Variants in EYS observed in about 807,000 individuals in gnomAD.
EYS encodes EGF-like photoreceptor maintenance factor, also known as protein eyes shut homolog.
Under a neutral mutation model 282.1 loss-of-function variants are expected in EYS, and 250 were observed. The ratio of observed to expected loss-of-function variants is 0.89; its 90% CI spans 0.80 to 0.98. The LOEUF (loss-of-function observed/expected upper bound fraction) is 0.98, where lower values mean the gene tolerates loss of function less well. EYS is among the 50% of genes least tolerant of loss of function. EYS has a pLI of 0.00. For synonymous variants in EYS, 1,355 were observed against 1,282.9 expected (o/e 1.06, Z -1.20); for missense variants, 4,016 against 3,709.0 (o/e 1.08, Z -2.15).
At chr6:63,790,349 G>A (rs1427164541) in intron 37 of EYS, among the ~76,000 whole-genome samples, 1 of 152,180 alleles carries the variant, frequency 6.6e-6, no homozygotes, top group Non-Finnish European at 1.5e-5. Context: ...GCACTGGAAA[G>A]TGGAAGACAG....
chr6:65,147,320 CATAA>C (rs1764503750), intron 12 of EYS, among the ~76,000 whole-genome samples: 2 of 151,778 alleles, frequency 1.3e-5, no homozygotes, highest in South Asian at 2.1e-4. Context: ...TAAATATTAA[CATAA>C]ATAAAATAAA....
intron 5 of EYS, among the ~76,000 whole-genome samples, chr6:65,430,650 G>C (rs1460056562): frequency 6.6e-6 from 1 of 152,142 alleles, no homozygotes; most frequent in Non-Finnish European, 1.5e-5. Flanking sequence ...GCAGAGGAGA[G>C]AAAAGAGTGG....
Position 64,945,793 on chromosome 6 carries a change from C to T in EYS, c.2381G>A (p.Arg794Gln), listed in dbSNP as rs765364303. The change falls in exon 15 of 43, where the codon CGA becomes CAA. Residue 794 changes from arginine (R) to glutamine (Q), a missense_variant and splice_region_variant. Coordinates refer to ENST00000503581, the MANE Select transcript of EYS (RefSeq NM_001142800.2). Reference sequence around the variant, plus strand: ...AGAAAGCTAAAAATATGTTACTCACCGATAGCTTTTGTAAAGGTCAGTACA... The same window carrying T: ...AGAAAGCTAAAAATATGTTACTCACTGATAGCTTTTGTAAAGGTCAGTACA... The part of the protein sequence containing the change: ...STCTDLYKSY[R>Q]CECTSGWTGQ... 5.0e-5 allele frequency: 78 copies of T among 1,548,584 alleles called. 1 individual carries two copies. The highest frequency in any genetic ancestry group is 3.3e-4 in the Middle Eastern group (2 of 5,994).
At chr6:64,774,740 T>C (rs890257878) in intron 22 of EYS, among the ~76,000 whole-genome samples, 3 of 151,946 alleles carry the variant, frequency 2.0e-5, no homozygotes, top group African/African-American at 7.2e-5. Context: ...TCACCTTGAT[T>C]TGAAACTTCC....
chr6:65,313,125 A>G (rs575579234), intron 11 of EYS, among the ~76,000 whole-genome samples: 39 of 152,244 alleles, frequency 2.6e-4, no homozygotes, highest in Admixed American at 2.5e-3. Flanking sequence ...GCCCTGGCCT[A>G]TTCCCTGGGG....
In EYS at chr6:63,720,278, T is replaced by A; in HGVS notation, c.*318A>T. On this transcript the variant is annotated 3_prime_UTR_variant, in exon 43 of 43. Coordinates refer to ENST00000503581, the MANE Select transcript of EYS (RefSeq NM_001142800.2). ...ACACATTGATTTTTAAAATTGTGTTTACACGTTGATTTTAAAATGTAAGCA... is the reference window on the plus strand; with the variant it reads ...ACACATTGATTTTTAAAATTGTGTTAACACGTTGATTTTAAAATGTAAGCA... The A allele has an allele frequency of 2.8e-6, 1 of 359,456 alleles. No individual in the cohort carries two copies. The highest frequency in any genetic ancestry group is 3.9e-5 in the East Asian group (1 of 25,634). The allele number at this position is 359,456 out of a possible 1,614,324, so 22.3% of individuals were successfully genotyped here.
intron 37 of EYS, among the ~76,000 whole-genome samples, chr6:63,798,494 T>G (rs750248975): frequency 6.6e-6 from 1 of 152,320 alleles, no homozygotes; most frequent in East Asian, 1.9e-4. Context: ...AATATAGGCA[T>G]ACACTGTCAG....
intron 39 of EYS, among the ~76,000 whole-genome samples, chr6:63,781,004 G>A (rs140058703): frequency 1.5e-3 from 224 of 152,282 alleles, no homozygotes; most frequent in African/African-American, 4.8e-3. Context: ...ATTAAGTAGG[G>A]AATCCTTTCC....
chr6:63,739,597 G>C lies in EYS; in HGVS notation c.8072-12917C>G, dbSNP rs115428863. Among the ~76,000 whole-genome samples the C allele has an allele frequency of 4.6e-3, 701 of 152,180 alleles. 2 individuals carry two copies. Among genetic ancestry groups the C allele is most frequent in the Non-Finnish European group, 7.6e-3 (517 of 67,998 alleles). ...AAGTGAGTACCTCCATTTAGAAAGG[G>C]GTGGGGTGCAGATCTGCATTATGTA... On this transcript the variant is annotated intron_variant, in intron 41 of 42. Transcript: ENST00000503581.
At chr6:64,772,417 T>C (rs952311686) in intron 22 of EYS, among the ~76,000 whole-genome samples, 5 of 151,930 alleles carry the variant, frequency 3.3e-5, no homozygotes, top group African/African-American at 1.2e-4. Flanking sequence ...ACATGGGATA[T>C]TTTAATACAG....
chr6:65,026,128 A>G (rs1307684849), intron 13 of EYS, among the ~76,000 whole-genome samples: 3 of 152,164 alleles, frequency 2.0e-5, no homozygotes, highest in South Asian at 2.1e-4. Context: ...AGACTTCTTC[A>G]GTCGCTTATT....
At chr6:65,210,074 T>G (rs1471781393) in intron 12 of EYS, among the ~76,000 whole-genome samples, 1 of 151,850 alleles carries the variant, frequency 6.6e-6, no homozygotes, top group Non-Finnish European at 1.5e-5. Flanking sequence ...AATAGTGAAA[T>G]GGATCAAATT....
intron 13 of EYS, among the ~76,000 whole-genome samples, chr6:65,046,074 G>A (rs1773091546): frequency 2.6e-5 from 4 of 151,748 alleles, no homozygotes; most frequent in Non-Finnish European, 5.9e-5. Flanking sequence ...CAAGAGGTGG[G>A]ATTACATTCC....
intron 22 of EYS, among the ~76,000 whole-genome samples, chr6:64,755,118 A>T (rs1772890577): frequency 6.6e-6 from 1 of 152,164 alleles, no homozygotes; most frequent in Non-Finnish European, 1.5e-5. Flanking sequence ...TCAACATACA[A>T]AAGTCAGTAG....
intron 36 of EYS, among the ~76,000 whole-genome samples, chr6:63,849,157 G>T (rs1040070067): frequency 2.6e-5 from 4 of 152,156 alleles, no homozygotes; most frequent in Non-Finnish European, 5.9e-5. Flanking sequence ...TCTGGGCAGG[G>T]CATCTTTGAA....
intron 31 of EYS, among the ~76,000 whole-genome samples, chr6:64,142,628 G>A (rs111991073): frequency 0.017 from 2,556 of 152,248 alleles, 24 homozygotes; most frequent in Middle Eastern, 0.034. Flanking sequence ...TTAAGGAAAG[G>A]AGTCATGATC....
chr6:64,507,880 G>A (rs577887506), intron 26 of EYS, among the ~76,000 whole-genome samples: 82 of 152,258 alleles, frequency 5.4e-4, no homozygotes, highest in African/African-American at 1.9e-3. Context: ...AGATAAAGAG[G>A]TCAGAAAGAA....
At chr6:65,682,348 G>T (rs898794614) in intron 1 of EYS, among the ~76,000 whole-genome samples, 3 of 151,856 alleles carry the variant, frequency 2.0e-5, no homozygotes, top group African/African-American at 7.3e-5. Flanking sequence ...TTATTATCCT[G>T]ATTAGGAGAC....
chr6:64,284,220 A>G (rs938322395), intron 30 of EYS, among the ~76,000 whole-genome samples: 3 of 152,210 alleles, frequency 2.0e-5, no homozygotes, highest in Admixed American at 1.3e-4. Context: ...CAATGGGGGT[A>G]CAGGTACTGG....
Sources: allele counts gnomAD v4.1 joint callset (sites outside exome capture counted in the v4.1 genomes callset), GRCh38; gene constraint gnomAD v4.1.1; transcripts MANE v1.5; gene names NCBI Gene and HGNC (gene_info 2026-07-23, HGNC 2026-07-21).